Variants in SKAP1 observed in about 807,000 individuals in gnomAD.
SKAP1 encodes the protein src kinase associated phosphoprotein 1, also known as src kinase-associated phosphoprotein 1.
In SKAP1, 44 loss-of-function variants were observed where a neutral mutation model predicts 58.5. The observed-to-expected ratio is 0.75, with a 90% confidence interval of 0.59 to 0.97. SKAP1 has a LOEUF of 0.97. Among genes scored for constraint, SKAP1 ranks in the 50% least tolerant of loss-of-function variants. The pLI is 0.00. For missense variants in SKAP1, 390 were observed against 435.2 expected, an observed-to-expected ratio of 0.90 and a Z score of 0.92; for synonymous variants, 127 against 149.7, an observed-to-expected ratio of 0.85 and a Z score of 1.11.
intron 8 of SKAP1, among the ~76,000 whole-genome samples, chr17:48,181,845 C>G (rs968570056): frequency 6.6e-6 from 1 of 152,130 alleles, no homozygotes; most frequent in Non-Finnish European, 1.5e-5. Flanking sequence ...GCAGAGGGTA[C>G]TCTAAGAGCA....
At chr17:48,138,333 T>C (rs1468188807) in intron 11 of SKAP1, among the ~76,000 whole-genome samples, 2 of 151,364 alleles carry the variant, frequency 1.3e-5, no homozygotes, top group African/African-American at 2.4e-5. Flanking sequence ...ACCTCCTGAG[T>C]AGCTGGGATT....
At chr17:48,206,820 T>C (rs2064816262) in intron 4 of SKAP1, among the ~76,000 whole-genome samples, 2 of 152,130 alleles carry the variant, frequency 1.3e-5, no homozygotes, top group Admixed American at 6.5e-5. Context: ...TAGTATTATT[T>C]GATTAAAAAA....
chr17:48,333,778 T>C (rs1445524611), intron 4 of SKAP1, among the ~76,000 whole-genome samples: 1 of 152,042 alleles, frequency 6.6e-6, no homozygotes, highest in Non-Finnish European at 1.5e-5. Context: ...CCCAAACAAA[T>C]AGGGAATTTT....
intron 1 of SKAP1, among the ~76,000 whole-genome samples, chr17:48,421,875 G>T (rs756335130): frequency 5.9e-5 from 9 of 152,100 alleles, no homozygotes; most frequent in Admixed American, 2.6e-4. Context: ...TCATCAAAAT[G>T]ATCACTAGAC....
intron 11 of SKAP1, among the ~76,000 whole-genome samples, chr17:48,142,943 A>G (rs1444527383): frequency 1.3e-5 from 2 of 151,062 alleles, no homozygotes; most frequent in East Asian, 2.0e-4. Flanking sequence ...CTAGGACTAC[A>G]GGTGCATTTC....
rs139415778 is a variant in SKAP1, at chr17:48,352,018, G to A, written c.179-6012C>T. ...AGTTTTTAATTTTGACCAGTAGGGT[G>A]AGCTGTAGTGTGTAGCATCATCCTA... On this transcript the variant is annotated intron_variant, in intron 3 of 12. Transcript: ENST00000336915. Among the ~76,000 whole-genome samples the A allele has an allele frequency of 9.3e-5, 14 of 149,916 alleles. No individual in the cohort carries two copies. The East Asian group carries it at 2.7e-3, about 29-fold the overall frequency.
chr17:48,410,556 T>C (rs2067649642), intron 1 of SKAP1, among the ~76,000 whole-genome samples: 1 of 152,064 alleles, frequency 6.6e-6, no homozygotes, highest in Admixed American at 6.6e-5. Context: ...CTAAAGGATC[T>C]TGTAGTGTCA....
At chr17:48,367,226 T>C (rs1268108514) in intron 2 of SKAP1, among the ~76,000 whole-genome samples, 1 of 152,144 alleles carries the variant, frequency 6.6e-6, no homozygotes, top group African/African-American at 2.4e-5. Flanking sequence ...CAGTATCAAA[T>C]AAAGTAGTAG....
At chr17:48,263,541 A>C (rs775248359) in intron 4 of SKAP1, among the ~76,000 whole-genome samples, 2 of 152,208 alleles carry the variant, frequency 1.3e-5, no homozygotes, top group Non-Finnish European at 2.9e-5. Flanking sequence ...TAGGTTTAGA[A>C]TCTGATCTAT....
At chr17:48,203,565 T>C (rs2064757047) in intron 4 of SKAP1, 1 of 152,164 alleles carries the variant, frequency 6.6e-6, no homozygotes, top group Admixed American at 6.5e-5. Context: ...ACGTCAGGTG[T>C]GTTTAACTGA....
intron 11 of SKAP1, among the ~76,000 whole-genome samples, chr17:48,147,712 G>A (rs1390488476): frequency 2.6e-5 from 4 of 152,158 alleles, no homozygotes; most frequent in Non-Finnish European, 4.4e-5. Flanking sequence ...CTTGGGTAGC[G>A]TGGCAGCCTC....
At chr17:48,421,687 G>T (rs981254031) in intron 1 of SKAP1, among the ~76,000 whole-genome samples, 3 of 152,152 alleles carry the variant, frequency 2.0e-5, no homozygotes, top group African/African-American at 7.2e-5. Context: ...ACTAGGTAAA[G>T]CTTCAAGTGC....
At chr17:48,281,928 T>C (rs1262766339) in intron 4 of SKAP1, among the ~76,000 whole-genome samples, 1 of 152,182 alleles carries the variant, frequency 6.6e-6, no homozygotes. Flanking sequence ...TTTTTAGTAC[T>C]GCAGCAATAA....
chr17:48,350,645 G>A (rs956462787), intron 3 of SKAP1, among the ~76,000 whole-genome samples: 4 of 152,098 alleles, frequency 2.6e-5, no homozygotes, highest in African/African-American at 9.7e-5. Context: ...GCGGTGAGCC[G>A]AGATTGTGCC....
intron 4 of SKAP1, among the ~76,000 whole-genome samples, chr17:48,259,579 G>A (rs1020596096): frequency 5.3e-5 from 8 of 152,146 alleles, no homozygotes; most frequent in South Asian, 2.1e-4. Context: ...AATGTAATTC[G>A]AATATAAATA....
intron 4 of SKAP1, among the ~76,000 whole-genome samples, chr17:48,273,403 A>T (rs1273506445): frequency 1.4e-5 from 2 of 146,086 alleles, no homozygotes; most frequent in Non-Finnish European, 3.0e-5. Flanking sequence ...AGGGCTATAT[A>T]TGCCAAACTT....
At chr17:48,305,971 C>G (rs1386718085) in intron 4 of SKAP1, among the ~76,000 whole-genome samples, 1 of 152,150 alleles carries the variant, frequency 6.6e-6, no homozygotes, top group African/African-American at 2.4e-5. Flanking sequence ...AGACTCTTCT[C>G]CTATCAATCC....
intron 11 of SKAP1, among the ~76,000 whole-genome samples, chr17:48,140,772 CTTCTTCT>C (rs1252051638): frequency 3.7e-5 from 5 of 133,476 alleles, no homozygotes; most frequent in East Asian, 2.4e-4. Flanking sequence ...TCTTCTTCTT[CTTCTTCT>C]TTTTTTTTTT....
At chr17:48,422,584 A>G (rs2067807959) in intron 1 of SKAP1, among the ~76,000 whole-genome samples, 2 of 152,218 alleles carry the variant, frequency 1.3e-5, no homozygotes, top group Admixed American at 1.3e-4. Flanking sequence ...AATGGTAGTA[A>G]GAAAGTGGAA....
Sources: allele counts gnomAD v4.1 joint callset (sites outside exome capture counted in the v4.1 genomes callset), GRCh38; gene constraint gnomAD v4.1.1; transcripts MANE v1.5; gene names NCBI Gene and HGNC (gene_info 2026-07-23, HGNC 2026-07-21).